TUSC3: variants seen among roughly 807,000 people sequenced by gnomAD.
TUSC3 encodes the protein dolichyl-diphosphooligosaccharide--protein glycosyltransferase subunit TUSC3.
A neutral mutation model predicts 44.8 loss-of-function variants in TUSC3; 45 were observed. The ratio of observed to expected loss-of-function variants is 1.00; its 90% confidence interval spans 0.79 to 1.29. The LOEUF is 1.29. Ranked by LOEUF, TUSC3 falls within the 50% of genes most tolerant of loss-of-function variation. TUSC3 has a pLI of 0.00. For synonymous variants in TUSC3, 212 were observed against 152.9 expected (o/e 1.39, Z -2.85); for missense variants, 519 against 437.9 (o/e 1.19, Z -1.65).
intron 1 of TUSC3, among the ~76,000 whole-genome samples, chr8:15,425,013 A>G (rs571604731): frequency 1.8e-4 from 27 of 152,322 alleles, no homozygotes; most frequent in African/African-American, 6.5e-4. Flanking sequence ...TATTTGCATA[A>G]GGATGGAAGT....
chr8:15,802,969 GATTT>G, the TUSC3 span, among the ~76,000 whole-genome samples: 1 of 152,114 alleles, frequency 6.6e-6, no homozygotes, highest in Non-Finnish European at 1.5e-5. Context: ...GCATAAAAAG[GATTT>G]ATTTTAGGTA....
chr8:15,647,543 T>A (rs1384884376), intron 2 of TUSC3, among the ~76,000 whole-genome samples: 1 of 152,198 alleles, frequency 6.6e-6, no homozygotes, highest in Non-Finnish European at 1.5e-5. Flanking sequence ...ATTGGTTGCA[T>A]CATAGCTTCA....
At chr8:15,617,476 C>T (rs1040670048) in intron 1 of TUSC3, among the ~76,000 whole-genome samples, 2 of 151,996 alleles carry the variant, frequency 1.3e-5, no homozygotes. Context: ...AATATGGATG[C>T]CTCCAACTCC....
At chr8:15,580,786 A>G (rs1173117811) in intron 1 of TUSC3, among the ~76,000 whole-genome samples, 3 of 137,950 alleles carry the variant, frequency 2.2e-5, no homozygotes, top group Non-Finnish European at 4.6e-5. Context: ...GAATCTGACA[A>G]TTATGTGTCT....
intron 6 of TUSC3, among the ~76,000 whole-genome samples, chr8:15,676,893 A>T (rs1479250109): frequency 6.6e-6 from 1 of 152,210 alleles, no homozygotes; most frequent in Non-Finnish European, 1.5e-5. Flanking sequence ...TGCAAAAAGG[A>T]GAAAATTTGA....
intron 1 of TUSC3, among the ~76,000 whole-genome samples, chr8:15,610,623 A>G (rs1348155622): frequency 3.9e-5 from 6 of 152,260 alleles, no homozygotes; most frequent in African/African-American, 1.4e-4. Context: ...ACTTCGAAAT[A>G]TTCTTTTTTG....
chr8:15,508,718 C>T (rs1302766119), intron 2 of TUSC3, among the ~76,000 whole-genome samples: 2 of 152,018 alleles, frequency 1.3e-5, no homozygotes, highest in African/African-American at 4.8e-5. Context: ...GCCTGGGCGT[C>T]CCAAAGTGCT....
At chr8:15,458,718 CT>C (rs1246367745) in intron 1 of TUSC3, among the ~76,000 whole-genome samples, 1 of 152,098 alleles carries the variant, frequency 6.6e-6, no homozygotes, top group Non-Finnish European at 1.5e-5. Flanking sequence ...GATAAATGAA[CT>C]AATTTTTCAT....
chr8:15,613,956 C>A (rs1158561451), intron 1 of TUSC3, among the ~76,000 whole-genome samples: 1 of 151,418 alleles, frequency 6.6e-6, no homozygotes, highest in Non-Finnish European at 1.5e-5. Context: ...CTCATTTTCC[C>A]TGTGTTATCT....
the TUSC3 span, among the ~76,000 whole-genome samples, chr8:15,838,826 T>A: frequency 2.6e-5 from 4 of 152,116 alleles, no homozygotes; most frequent in East Asian, 1.9e-4. Flanking sequence ...CTTAGGATTG[T>A]CTTGGCAATG....
chr8:15,809,744 C>T, the TUSC3 span, among the ~76,000 whole-genome samples: 1 of 152,324 alleles, frequency 6.6e-6, no homozygotes, highest in Non-Finnish European at 1.5e-5. Context: ...GTAACCAAAA[C>T]TGTAGCAAGT....
intron 1 of TUSC3, among the ~76,000 whole-genome samples, chr8:15,592,347 G>A (rs896186931): frequency 5.9e-5 from 9 of 152,246 alleles, no homozygotes; most frequent in East Asian, 3.9e-4. Flanking sequence ...CACTTGATAC[G>A]GTTTGGATAT....
At chr8:15,664,584 T>C (rs1807574376) in intron 5 of TUSC3, among the ~76,000 whole-genome samples, 1 of 149,450 alleles carries the variant, frequency 6.7e-6, no homozygotes, top group Admixed American at 6.7e-5. Flanking sequence ...ATCACAGCCT[T>C]TTAGAAGTCA....
At chr8:15,609,234 A>G (rs1404731225) in intron 1 of TUSC3, among the ~76,000 whole-genome samples, 1 of 152,186 alleles carries the variant, frequency 6.6e-6, no homozygotes, top group South Asian at 2.1e-4. Context: ...CAGCTGTGAC[A>G]CATAATATGT....
intron 2 of TUSC3, among the ~76,000 whole-genome samples, chr8:15,505,096 A>T (rs1801035334): frequency 6.6e-6 from 1 of 152,182 alleles, no homozygotes. Context: ...CATTGTAAAA[A>T]TATGACAGAT....
At chr8:15,543,726 A>G (rs1801767390) in intron 1 of TUSC3, among the ~76,000 whole-genome samples, 1 of 151,048 alleles carries the variant, frequency 6.6e-6, no homozygotes, top group African/African-American at 2.4e-5. Flanking sequence ...ATGCGGTAAG[A>G]TTTTTTTGAA....
At chr8:15,749,734 T>C (rs1464225212) in intron 9 of TUSC3, among the ~76,000 whole-genome samples, 3 of 69,662 alleles carry the variant, frequency 4.3e-5, no homozygotes, top group Non-Finnish European at 9.9e-5. Flanking sequence ...AAGATGAAGT[T>C]TTTTTTTTTT....
At chr8:15,493,022 G>C (rs933091277) in intron 2 of TUSC3, among the ~76,000 whole-genome samples, 1 of 151,992 alleles carries the variant, frequency 6.6e-6, no homozygotes, top group Non-Finnish European at 1.5e-5. Context: ...ACTGATAATA[G>C]TGGCTACCAC....
At chr8:15,827,352 A>G in the TUSC3 span, among the ~76,000 whole-genome samples, 5 of 152,218 alleles carry the variant, frequency 3.3e-5, no homozygotes, top group South Asian at 6.2e-4. Context: ...ACTGAACACT[A>G]GTGTCATATA....
Sources: allele counts gnomAD v4.1 joint callset (sites outside exome capture counted in the v4.1 genomes callset), GRCh38; gene constraint gnomAD v4.1.1; transcripts MANE v1.5; gene names NCBI Gene and HGNC (gene_info 2026-07-23, HGNC 2026-07-21).